Variants in FBXW7 observed in about 807,000 individuals in gnomAD.
FBXW7 encodes F-box/WD repeat-containing protein 7.
FBXW7 carries 11 observed loss-of-function variants against 86.3 expected under a neutral mutation model. That is an observed-to-expected ratio of 0.13 (90% CI 0.08 to 0.21). The LOEUF (loss-of-function observed/expected upper bound fraction) is 0.21, where lower values mean the gene tolerates loss of function less well. FBXW7 is among the 10% of genes least tolerant of loss of function. The pLI, the probability that FBXW7 is intolerant of heterozygous loss-of-function variation, is 1.00. For synonymous variants in FBXW7, 313 were observed against 297.9 expected (o/e 1.05, Z -0.52); for missense variants, 488 against 847.4 (o/e 0.58, Z 5.27).
intron 2 of FBXW7, among the ~76,000 whole-genome samples, chr4:152,447,378 T>C (rs146267025): frequency 7.6e-4 from 115 of 152,266 alleles, no homozygotes; most frequent in African/African-American, 2.6e-3. Flanking sequence ...GGTAGAGGTA[T>C]TGGTGAGGAA....
intron 4 of FBXW7, among the ~76,000 whole-genome samples, chr4:152,364,366 A>C (rs1733263810): frequency 6.6e-6 from 1 of 152,156 alleles, no homozygotes; most frequent in Non-Finnish European, 1.5e-5. Context: ...ACATCAAAGG[A>C]TCTCCATTGC....
At chr4:152,503,613 T>C (rs1747153009) in intron 2 of FBXW7, among the ~76,000 whole-genome samples, 1 of 148,000 alleles carries the variant, frequency 6.8e-6, no homozygotes, top group African/African-American at 2.5e-5. Context: ...AAAGAACTTC[T>C]AAACTTAAGA....
intron 11 of FBXW7, 105 bp from the exon 12 acceptor site, chr4:152,326,336 T>TG: frequency 4.1e-6 from 1 of 246,636 alleles, no homozygotes; most frequent in Non-Finnish European, 6.7e-6. Flanking sequence ...TTTTTTAGCT[T>TG]TTTTTTTTTT....
In FBXW7 at chr4:152,321,482, G is replaced by A. The variant is rs997123443; in HGVS notation, c.*1399C>T. The A allele has an allele frequency of 1.7e-5, 4 of 232,998 alleles. No homozygotes were observed. Among genetic ancestry groups the A allele is most frequent in the African/African-American group, 8.8e-5 (4 of 45,318 alleles). 14.4% of individuals were successfully genotyped at this position (232,998 alleles called of 1,614,324 possible). On this transcript the variant is annotated 3_prime_UTR_variant, in exon 14 of 14. Transcript: ENST00000281708. ...AGGAAAAAAGATCGCCTAGGATACA[G>A]TGTTAAACCACTTTCACAGTTCAGC... is the stretch of plus-strand genomic sequence containing the variant.
chr4:152,406,989 A>G (rs74740070), intron 4 of FBXW7, among the ~76,000 whole-genome samples: 1 of 152,228 alleles, frequency 6.6e-6, no homozygotes, highest in African/African-American at 2.4e-5. Flanking sequence ...TCTGCAAAAT[A>G]TCTGAGTGTC....
chr4:152,529,380 A>G (rs1455715450), intron 2 of FBXW7, among the ~76,000 whole-genome samples: 1 of 152,214 alleles, frequency 6.6e-6, no homozygotes, highest in Non-Finnish European at 1.5e-5. Flanking sequence ...AAAATTAAAA[A>G]GTAAATTGTT....
intron 2 of FBXW7, among the ~76,000 whole-genome samples, chr4:152,437,333 C>A (rs951148399): frequency 6.6e-6 from 1 of 151,478 alleles, no homozygotes; most frequent in Non-Finnish European, 1.5e-5. Flanking sequence ...TGACTGAGAT[C>A]GTGCCACTGC....
chr4:152,486,759 A>T (rs1318281307), intron 2 of FBXW7, among the ~76,000 whole-genome samples: 1 of 152,166 alleles, frequency 6.6e-6, no homozygotes, highest in Non-Finnish European at 1.5e-5. Context: ...AGCATAGTAA[A>T]TACATAAACC....
Position 152,328,214 on chromosome 4 carries a change from T to C in FBXW7, c.1412A>G (p.Glu471Gly), listed in dbSNP as rs756238684. 5.7e-6 allele frequency: 9 copies of C among 1,586,576 alleles called. No homozygotes were observed. The East Asian group carries it at 2.1e-4, about 37-fold the overall frequency. ...TGACAAGATTTTCCCTTACCTTTTT[T>C]CATGAAGATGCATACAACGCACAGT... ...TSTVRCMHLH[E>G]KRVVSGSRDA... Residue 471 changes from glutamate (E) to glycine (G), a missense_variant, in exon 11 of 14, where the codon GAA (glutamate) becomes GGA (glycine). Physicochemically the swap from Glu to Gly is moderately conservative, Grantham distance 98. Around this residue, in one of 4 missense-constraint regions of FBXW7, gnomAD observed 142 missense variants for 406.6 expected, o/e 0.35. Coordinates refer to ENST00000281708, the MANE Select transcript of FBXW7 (RefSeq NM_001349798.2).
At chr4:152,348,706 AC>A in intron 5 of FBXW7, 2 of 1,182,060 alleles carry the variant, frequency 1.7e-6, no homozygotes, top group Non-Finnish European at 1.1e-6. Flanking sequence ...TTAATAGAAG[AC>A]TGATACATTT....
chr4:152,480,009 G>A (rs886785742), intron 2 of FBXW7, among the ~76,000 whole-genome samples: 7 of 151,930 alleles, frequency 4.6e-5, no homozygotes, highest in African/African-American at 1.7e-4. Context: ...TATCTCTCTG[G>A]ACTCATGGAT....
At chr4:152,330,598 TCA>T (rs1285243019) in intron 9 of FBXW7, 132 bp downstream of exon 9, 1 of 690,168 alleles carries the variant, frequency 1.4e-6, no homozygotes, top group East Asian at 3.1e-5. Flanking sequence ...GTTAATACTT[TCA>T]GTTATTTTAA....
chr4:152,417,822 ACCCCTGG>A (rs924592554), intron 2 of FBXW7, among the ~76,000 whole-genome samples: 7 of 151,814 alleles, frequency 4.6e-5, no homozygotes, highest in Non-Finnish European at 7.4e-5. Flanking sequence ...CATGGCAACC[ACCCCTGG>A]CCTTGCTGCC....
intron 2 of FBXW7, among the ~76,000 whole-genome samples, chr4:152,519,170 C>A (rs867547530): frequency 4.6e-5 from 7 of 151,968 alleles, no homozygotes; most frequent in African/African-American, 1.7e-4. Flanking sequence ...TAGCGGTGGG[C>A]GCCTGTAGTC....
intron 2 of FBXW7, among the ~76,000 whole-genome samples, chr4:152,452,905 A>C (rs896715854): frequency 3.9e-5 from 6 of 152,338 alleles, no homozygotes; most frequent in Admixed American, 3.9e-4. Flanking sequence ...ATTACTGGCC[A>C]GGCGCAGTGG....
chr4:152,529,107 C>G (rs775758525), intron 2 of FBXW7, among the ~76,000 whole-genome samples: 3 of 152,146 alleles, frequency 2.0e-5, no homozygotes, highest in Non-Finnish European at 4.4e-5. Context: ...CCCTGGTCCA[C>G]TCAAAGTATC....
intron 2 of FBXW7, among the ~76,000 whole-genome samples, chr4:152,456,546 A>C (rs1170037093): frequency 6.6e-6 from 1 of 152,066 alleles, no homozygotes; most frequent in Non-Finnish European, 1.5e-5. Context: ...AAAATAAATA[A>C]ATCAATAAAT....
At chr4:152,426,528 T>C (rs192994452) in intron 2 of FBXW7, among the ~76,000 whole-genome samples, 181 of 152,212 alleles carry the variant, frequency 1.2e-3, no homozygotes, top group Middle Eastern at 6.8e-3. Flanking sequence ...TTTTGCATTT[T>C]TAGTAGAGAC....
chr4:152,359,754 ACT>A (rs1204318452), intron 4 of FBXW7, among the ~76,000 whole-genome samples: 2 of 152,092 alleles, frequency 1.3e-5, no homozygotes, highest in Non-Finnish European at 2.9e-5. Flanking sequence ...AAAGAGCAAA[ACT>A]CAGTCTCAAA....
Sources: allele counts gnomAD v4.1 joint callset (sites outside exome capture counted in the v4.1 genomes callset), GRCh38; gene constraint gnomAD v4.1.1; regional missense constraint gnomAD v4.1.1; transcripts MANE v1.5; gene names NCBI Gene and HGNC (gene_info 2026-07-23, HGNC 2026-07-21).